The following MYCBP2 variants were observed in gnomAD, a reference collection of about 807,000 sequenced individuals.
MYCBP2 encodes the protein MYC binding protein 2.
Under a neutral mutation model 525.3 loss-of-function variants are expected in MYCBP2, and 120 were observed. The observed-to-expected ratio is 0.23, with a 90% CI of 0.20 to 0.27. MYCBP2 has a LOEUF of 0.27. MYCBP2 is among the 10% of genes least tolerant of loss of function. The pLI, the probability that MYCBP2 is intolerant of heterozygous loss-of-function variation, is 1.00. For missense variants in MYCBP2, 4,149 were observed against 5,657.1 expected (o/e 0.73, Z 8.55); for synonymous variants, 1,894 against 1,955.8 (o/e 0.97, Z 0.83).
intron 26 of MYCBP2, among the ~76,000 whole-genome samples, chr13:77,204,201 A>G (rs1375103269): frequency 6.6e-6 from 1 of 151,724 alleles, no homozygotes; most frequent in African/African-American, 2.4e-5. Context: ...AATTTACAAG[A>G]AAAAAAACAA....
intron 8 of MYCBP2, 67 bp downstream of exon 8, chr13:77,267,774 C>A: frequency 8.1e-7 from 1 of 1,241,598 alleles, no homozygotes; most frequent in African/African-American, 1.5e-5. Context: ...CTTTATGTGT[C>A]TAAATAGCTT....
Position 77,081,862 on chromosome 13 carries a change from T to A in MYCBP2, c.11168A>T (p.Gln3723Leu). 6.2e-7 allele frequency: 1 copy of A among 1,613,594 alleles called. No individual in the cohort carries two copies. Among genetic ancestry groups the A allele is most frequent in the Non-Finnish European group, 8.5e-7 (1 of 1,179,736 alleles). The change falls in exon 64 of 83, where the codon CAG (glutamine) becomes CTG (leucine). Residue 3723 changes from glutamine to leucine, a missense_variant. Physicochemically the swap from Gln to Leu is moderately radical, Grantham distance 113 (BLOSUM62 -2). Coordinates refer to ENST00000544440, the MANE Select transcript of MYCBP2 (RefSeq NM_015057.5). The surrounding 1 kb of genome is among the most constrained non-coding windows in gnomAD (Gnocchi z 4.6). ...DSEESFSISI[Q>L]SGFEAMSQEL... is the part of the protein sequence containing the mutation. ...CTGACTCATAGCTTCAAAGCCAGAC[T>A]GTATACTGATGCTAAAACTCTCTTC...
chr13:77,185,926 A>C lies in MYCBP2; in HGVS notation c.4389T>G (p.Gly1463=). 6 of 1,613,200 alleles carry C rather than the reference A, an allele frequency of 3.7e-6. No homozygotes were observed. The South Asian group carries it at 6.6e-5, about 18-fold the overall frequency. ...LLDLERLRFV[G]TCCLRLLRVY... ...CACGCAATAACCTCAGACAACAGGT[A>C]CCCACAAAGCGCAGTCTCTCTAAAT... The change falls in exon 31 of 83, where the codon GGT becomes GGG. Residue 1463 remains glycine (G), a synonymous_variant. Coordinates refer to ENST00000544440, the MANE Select transcript of MYCBP2 (RefSeq NM_015057.5).
At chr13:77,286,135 G>C (rs571087356) in intron 3 of MYCBP2, among the ~76,000 whole-genome samples, 3 of 152,168 alleles carry the variant, frequency 2.0e-5, no homozygotes, top group Non-Finnish European at 4.4e-5. Flanking sequence ...ATATGATTAA[G>C]GATGGTGGTG....
chr13:77,104,110 C>T (rs888517321), intron 55 of MYCBP2, among the ~76,000 whole-genome samples: 1 of 151,988 alleles, frequency 6.6e-6, no homozygotes, highest in African/African-American at 2.4e-5. Context: ...AAAAAACTCA[C>T]TGTATTTAAA....
chr13:77,278,376 T>C (rs1409206781), intron 4 of MYCBP2, among the ~76,000 whole-genome samples: 1 of 152,206 alleles, frequency 6.6e-6, no homozygotes, highest in Non-Finnish European at 1.5e-5. Flanking sequence ...GAGAAATGTG[T>C]GTGCACGAAC....
At chr13:77,093,385 T>C in intron 58 of MYCBP2, 53 bp from the exon 59 acceptor site, 1 of 1,486,452 alleles carries the variant, frequency 6.7e-7, no homozygotes, top group Admixed American at 1.9e-5. Context: ...ACAGATCCTC[T>C]CCATTTTTAA....
At chr13:77,087,712 G>A (rs1369575226) in intron 61 of MYCBP2, 79 bp from the exon 62 acceptor site, 2 of 1,175,364 alleles carry the variant, frequency 1.7e-6, no homozygotes, top group Non-Finnish European at 2.4e-6. Flanking sequence ...GTACCTCCAT[G>A]GATTAAGACT....
chr13:77,264,228 G>C (rs2073757673), intron 8 of MYCBP2, among the ~76,000 whole-genome samples: 1 of 152,020 alleles, frequency 6.6e-6, no homozygotes, highest in Non-Finnish European at 1.5e-5. Flanking sequence ...CCAAGGACCT[G>C]AGATCCCACC....
chr13:77,130,923 GTC>G (rs1298674844), intron 52 of MYCBP2, among the ~76,000 whole-genome samples: 3 of 152,154 alleles, frequency 2.0e-5, no homozygotes, highest in African/African-American at 7.2e-5. Context: ...TAAAGCTTAT[GTC>G]TCTCTTTTAA....
At chr13:77,241,233 A>G (rs2068771867) in intron 17 of MYCBP2, among the ~76,000 whole-genome samples, 1 of 152,236 alleles carries the variant, frequency 6.6e-6, no homozygotes, top group Non-Finnish European at 1.5e-5. Context: ...TTATCAATGC[A>G]CGATTCAATG....
chr13:77,298,266 A>G (rs1385647733), intron 1 of MYCBP2, among the ~76,000 whole-genome samples: 1 of 152,180 alleles, frequency 6.6e-6, no homozygotes, highest in Non-Finnish European at 1.5e-5. Context: ...CCTGCTAACC[A>G]CTACTTATCT....
chr13:77,211,884 G>A, intron 22 of MYCBP2, 72 bp downstream of exon 22: 1 of 1,215,918 alleles, frequency 8.2e-7, no homozygotes, highest in Non-Finnish European at 1.2e-6. Flanking sequence ...TTTCATTAAA[G>A]GGAAAGATAA....
intron 43 of MYCBP2, among the ~76,000 whole-genome samples, 197 bp downstream of exon 43, chr13:77,164,257 G>T (rs150340001): frequency 6.6e-6 from 1 of 152,098 alleles, no homozygotes; most frequent in South Asian, 2.1e-4. Flanking sequence ...GTCCATGTGC[G>T]TGTGTAAATT....
intron 20 of MYCBP2, among the ~76,000 whole-genome samples, chr13:77,221,044 T>C (rs1039186442): frequency 4.6e-5 from 7 of 152,212 alleles, no homozygotes; most frequent in Non-Finnish European, 8.8e-5. Context: ...TATAGTCATA[T>C]GGTTGGTAAG....
chr13:77,244,356 G>C (rs180858435), intron 15 of MYCBP2, among the ~76,000 whole-genome samples: 1 of 152,286 alleles, frequency 6.6e-6, no homozygotes, highest in African/African-American at 2.4e-5. Context: ...GTGAAGGCAG[G>C]TGTTGGTAGC....
intron 3 of MYCBP2, 41 bp downstream of exon 3, chr13:77,288,120 C>A: frequency 6.3e-7 from 1 of 1,587,598 alleles, no homozygotes; most frequent in Non-Finnish European, 8.6e-7. Flanking sequence ...AGAACACCTG[C>A]AGGTTACACA....
chr13:77,284,741 T>C (rs2076558393), intron 3 of MYCBP2, among the ~76,000 whole-genome samples: 1 of 152,224 alleles, frequency 6.6e-6, no homozygotes, highest in Non-Finnish European at 1.5e-5. Context: ...TACAACTATA[T>C]ATATCATTTA....
chr13:77,054,292 T>G (rs965880121), intron 80 of MYCBP2, among the ~76,000 whole-genome samples: 2 of 152,148 alleles, frequency 1.3e-5, no homozygotes, highest in African/African-American at 4.8e-5. Flanking sequence ...ATTTGGTATG[T>G]GGCAGCAAAT....
Sources: allele counts gnomAD v4.1 joint callset (sites outside exome capture counted in the v4.1 genomes callset), GRCh38; gene constraint gnomAD v4.1.1; non-coding constraint Gnocchi (gnomAD v3.1); transcripts MANE v1.5; gene names NCBI Gene and HGNC (gene_info 2026-07-23, HGNC 2026-07-21).